PTPRN2: variants seen among roughly 807,000 people sequenced by gnomAD.
The protein encoded by PTPRN2 is protein tyrosine phosphatase receptor type N2.
A neutral mutation model predicts 118.8 loss-of-function variants in PTPRN2; 74 were observed. The ratio of observed to expected loss-of-function variants is 0.62; its 90% CI spans 0.52 to 0.76. PTPRN2 has a LOEUF of 0.76. Among genes scored for constraint, PTPRN2 ranks in the 30% least tolerant of loss-of-function variants. PTPRN2 has a pLI of 0.00. For missense variants in PTPRN2, 1,481 were observed against 1,394.4 expected (o/e 1.06, Z -0.99); for synonymous variants, 641 against 608.0 (o/e 1.05, Z -0.80).
intron 15 of PTPRN2, among the ~76,000 whole-genome samples, chr7:157,606,444 G>A (rs1802007855): frequency 6.6e-6 from 1 of 152,220 alleles, no homozygotes; most frequent in Non-Finnish European, 1.5e-5. Context: ...CACTCCAGAG[G>A]GCCTGTCACT....
At chr7:157,542,972 C>A (rs1382638724) in intron 22 of PTPRN2, among the ~76,000 whole-genome samples, 1 of 152,162 alleles carries the variant, frequency 6.6e-6, no homozygotes, top group Non-Finnish European at 1.5e-5. Context: ...GATGTAGCAC[C>A]CAAGCCCTGT....
intron 12 of PTPRN2, among the ~76,000 whole-genome samples, chr7:157,684,688 C>T (rs1434062011): frequency 1.3e-5 from 2 of 150,444 alleles, no homozygotes; most frequent in East Asian, 4.0e-4. Context: ...CCGCCGGGGT[C>T]CGCCCACCGG....
chr7:158,313,827 G>A (rs923133429), intron 3 of PTPRN2, among the ~76,000 whole-genome samples: 2 of 152,188 alleles, frequency 1.3e-5, no homozygotes, highest in African/African-American at 4.8e-5. Context: ...ACTAGAAAAA[G>A]CTATTGCTTT....
At chr7:158,071,769 A>AGTTGCTCCTGGTGG (rs1563393422) in intron 11 of PTPRN2, among the ~76,000 whole-genome samples, 1 of 44,814 alleles carries the variant, frequency 2.2e-5, no homozygotes, top group African/African-American at 1.7e-4. Flanking sequence ...GCTCGTGGTG[A>AGTTGCTCCTGGTGG]TGGAGGTGCT....
At chr7:158,225,798 G>A (rs1178798495) in intron 3 of PTPRN2, among the ~76,000 whole-genome samples, 1 of 152,124 alleles carries the variant, frequency 6.6e-6, no homozygotes, top group East Asian at 1.9e-4. Context: ...GATTAGGGGA[G>A]GAACTCTAAG....
At chr7:157,855,233 C>G (rs886295706) in intron 12 of PTPRN2, among the ~76,000 whole-genome samples, 1 of 149,122 alleles carries the variant, frequency 6.7e-6, no homozygotes, top group African/African-American at 2.5e-5. Flanking sequence ...CCATTGCAGG[C>G]GTGTGTGCGG....
chr7:158,269,745 CAG>C (rs368056023), intron 3 of PTPRN2, among the ~76,000 whole-genome samples: 2 of 109,858 alleles, frequency 1.8e-5, no homozygotes, highest in African/African-American at 4.2e-5. Context: ...GAGACAGAGA[CAG>C]AGAGAGACAG....
At chr7:157,978,919 A>T (rs893396260) in intron 11 of PTPRN2, among the ~76,000 whole-genome samples, 3 of 152,050 alleles carry the variant, frequency 2.0e-5, no homozygotes, top group African/African-American at 7.2e-5. Flanking sequence ...CTGGCGACTC[A>T]CAAGGCTGGA....
At position 158,480,216 on chromosome 7, in the gene PTPRN2, G is replaced by T. The variant is rs1174985946; in HGVS notation, c.163+9519C>A. Among the ~76,000 whole-genome samples, 4 of 152,144 alleles carry T rather than the reference G, an allele frequency of 2.6e-5. No individual in the cohort carries two copies. The East Asian group carries it at 7.7e-4, about 29-fold the overall frequency. On this transcript the variant is annotated intron_variant, in intron 2 of 22. Transcript: ENST00000389418. ...ATTTTCCCAGCAGCACGTGCTCATCGCCTGTCTCTGTGCTACCTTTTGGTA... is the reference window on the plus strand; with the variant it reads ...ATTTTCCCAGCAGCACGTGCTCATCTCCTGTCTCTGTGCTACCTTTTGGTA...
In PTPRN2 at chr7:157,845,160, G is replaced by A. The variant is rs898863030; in HGVS notation, c.1788+53513C>T. On this transcript the variant is annotated intron_variant, in intron 12 of 22. Transcript: ENST00000389418. This position sits in a 1 kb window ranked among gnomAD's most constrained non-coding sequence, Gnocchi z 4.5. ...GAGAGCAACTTGGATGGCTGCCTTTGTTGTTTTTCAAATGGACTATTTTAT... is the reference window on the plus strand; with the variant it reads ...GAGAGCAACTTGGATGGCTGCCTTTATTGTTTTTCAAATGGACTATTTTAT... 2.0e-5 allele frequency among the ~76,000 whole-genome samples: 3 copies of A among 152,160 alleles called. No individual in the cohort carries two copies. Among genetic ancestry groups the A allele is most frequent in the African/African-American group, 7.2e-5 (3 of 41,424 alleles).
chr7:158,133,840 G>C lies in PTPRN2; in HGVS notation c.1393C>G (p.Pro465Ala), dbSNP rs776713483. Residue 465 changes from proline to alanine, a missense_variant, in exon 9 of 23, where the codon CCC becomes GCC. Physicochemically the swap from Pro to Ala is conservative, Grantham distance 27 (BLOSUM62 -1). This residue lies in a region of PTPRN2 where 1,115 missense variants were observed against 994.2 expected (regional missense o/e 1.12). Transcript: ENST00000389418. ...DLLGQQPHSEPGAAAFGELQN... is the reference protein window; with the variant it reads ...DLLGQQPHSEAGAAAFGELQN... Reference sequence around the variant, plus strand: ...AGCTCCCCAAACGCAGCGGCCCCGGGCTCCGAATGCGGCTGCTGCCCCAGC... The same window carrying C: ...AGCTCCCCAAACGCAGCGGCCCCGGCCTCCGAATGCGGCTGCTGCCCCAGC... 6.2e-7 allele frequency: 1 copy of C among 1,613,978 alleles called. No homozygotes were observed. The highest frequency in any genetic ancestry group is 8.5e-7 in the Non-Finnish European group (1 of 1,180,024).
intron 2 of PTPRN2, among the ~76,000 whole-genome samples, chr7:158,406,844 C>T (rs1341405287): frequency 1.3e-5 from 2 of 152,140 alleles, no homozygotes; most frequent in African/African-American, 4.8e-5. Context: ...ATAAACAGAC[C>T]CTGGATGACA....
chr7:157,887,351 A>G (rs1796510891), intron 12 of PTPRN2, among the ~76,000 whole-genome samples: 1 of 152,178 alleles, frequency 6.6e-6, no homozygotes, highest in Non-Finnish European at 1.5e-5. Flanking sequence ...CAACTAATGC[A>G]TATTAGAATA....
intron 2 of PTPRN2, among the ~76,000 whole-genome samples, chr7:158,340,095 T>G (rs202213225): frequency 0.36 from 8,747 of 24,494 alleles, 1,687 homozygotes; most frequent in Middle Eastern, 0.43. Context: ...CAGACGTCAC[T>G]CACACCCACA....
chr7:158,121,883 G>A (rs1412068848), intron 9 of PTPRN2, among the ~76,000 whole-genome samples: 1 of 152,232 alleles, frequency 6.6e-6, no homozygotes, highest in African/African-American at 2.4e-5. Context: ...GCAGAAGAGT[G>A]CTGGCTCCAT....
chr7:157,576,554 C>T (rs1040857829), intron 19 of PTPRN2, 59 bp downstream of exon 19: 2 of 1,465,730 alleles, frequency 1.4e-6, no homozygotes, highest in Non-Finnish European at 1.8e-6. Context: ...ACCGAAGCCT[C>T]GCTCCCCTGT....
intron 8 of PTPRN2, 149 bp from the exon 9 acceptor site, chr7:158,134,208 T>G: frequency 1.1e-6 from 1 of 884,684 alleles, no homozygotes; most frequent in Non-Finnish European, 1.7e-6. Flanking sequence ...GTGTGTGCAG[T>G]CTATATTTAG....
intron 12 of PTPRN2, among the ~76,000 whole-genome samples, chr7:157,879,590 T>A (rs531720108): frequency 8.6e-5 from 13 of 151,308 alleles, no homozygotes; most frequent in South Asian, 6.3e-4. Flanking sequence ...GAAATCATAT[T>A]TTTTTTTTCC....
At chr7:158,549,377 G>A (rs1002490839) in intron 1 of PTPRN2, among the ~76,000 whole-genome samples, 7 of 152,174 alleles carry the variant, frequency 4.6e-5, no homozygotes, top group African/African-American at 1.2e-4. Context: ...TTCACCGGGC[G>A]GATTCTGGCA....
Sources: allele counts gnomAD v4.1 joint callset (sites outside exome capture counted in the v4.1 genomes callset), GRCh38; gene constraint gnomAD v4.1.1; regional missense constraint gnomAD v4.1.1; non-coding constraint Gnocchi (gnomAD v3.1); transcripts MANE v1.5; gene names NCBI Gene and HGNC (gene_info 2026-07-23, HGNC 2026-07-21).